Variants in LUZP2 observed in about 807,000 individuals in gnomAD.
LUZP2 encodes the protein leucine zipper protein 2.
Under a neutral mutation model 51.6 loss-of-function variants are expected in LUZP2, and 52 were observed. That is an observed-to-expected ratio of 1.01 (90% CI 0.81 to 1.27). The LOEUF (loss-of-function observed/expected upper bound fraction) is 1.27. Ranked by LOEUF, LUZP2 falls within the 50% of genes most tolerant of loss-of-function variation. The pLI is 0.00. For missense variants in LUZP2, 436 were observed against 395.4 expected (o/e 1.10, Z -0.87); for synonymous variants, 154 against 137.3 (o/e 1.12, Z -0.85).
intron 1 of LUZP2, among the ~76,000 whole-genome samples, chr11:24,594,852 C>T (rs1388544414): frequency 1.4e-5 from 2 of 147,054 alleles, no homozygotes; most frequent in East Asian, 2.0e-4. Flanking sequence ...CTCTGCCTCC[C>T]GGGTTCAAGC....
intron 5 of LUZP2, among the ~76,000 whole-genome samples, chr11:24,881,616 A>C (rs144889996): frequency 9.9e-5 from 15 of 152,194 alleles, no homozygotes; most frequent in African/African-American, 2.6e-4. Flanking sequence ...CTGGCTGGGA[A>C]CACAATGTTA....
At chr11:25,006,384 G>A (rs1856835028) in intron 9 of LUZP2, among the ~76,000 whole-genome samples, 1 of 152,138 alleles carries the variant, frequency 6.6e-6, no homozygotes, top group South Asian at 2.1e-4. Flanking sequence ...CATGGCCACA[G>A]GATCAACCAA....
At chr11:24,652,631 A>G (rs780780232) in intron 1 of LUZP2, among the ~76,000 whole-genome samples, 9 of 152,164 alleles carry the variant, frequency 5.9e-5, no homozygotes, top group Non-Finnish European at 8.8e-5. Flanking sequence ...AGTATTCTAG[A>G]TGAAGGTCAA....
intron 5 of LUZP2, among the ~76,000 whole-genome samples, chr11:24,867,259 G>GC (rs1289631971): frequency 1.3e-5 from 2 of 152,010 alleles, no homozygotes; most frequent in Non-Finnish European, 2.9e-5. Flanking sequence ...TAGGTTTGTA[G>GC]CCCCCCAGGG....
At chr11:24,656,248 A>T (rs555091268) in intron 1 of LUZP2, among the ~76,000 whole-genome samples, 2 of 152,286 alleles carry the variant, frequency 1.3e-5, no homozygotes, top group African/African-American at 4.8e-5. Flanking sequence ...ATGTCAAAAC[A>T]AGTATCTCCA....
intron 5 of LUZP2, among the ~76,000 whole-genome samples, chr11:24,843,359 T>C (rs1851094051): frequency 6.6e-6 from 1 of 152,150 alleles, no homozygotes; most frequent in African/African-American, 2.4e-5. Flanking sequence ...TTGGGTGATT[T>C]TTTGGTGCAA....
intron 9 of LUZP2, among the ~76,000 whole-genome samples, chr11:25,011,378 C>T (rs748541024): frequency 2.0e-5 from 3 of 152,048 alleles, no homozygotes; most frequent in Non-Finnish European, 4.4e-5. Flanking sequence ...GACACAAGAA[C>T]ATTTTTATGC....
chr11:24,722,925 AAGAG>A (rs1366897925), intron 1 of LUZP2, among the ~76,000 whole-genome samples: 3 of 151,688 alleles, frequency 2.0e-5, no homozygotes, highest in African/African-American at 4.8e-5. Context: ...TTAAAAAAAA[AAGAG>A]AGAGAGAGAG....
chr11:24,757,311 T>A (rs1207037592), intron 4 of LUZP2, among the ~76,000 whole-genome samples: 2 of 152,214 alleles, frequency 1.3e-5, no homozygotes, highest in Non-Finnish European at 2.9e-5. Flanking sequence ...GTAGCACATA[T>A]GTTATTAAAC....
chr11:24,801,365 G>C (rs2134116358), intron 5 of LUZP2, among the ~76,000 whole-genome samples: 1 of 151,946 alleles, frequency 6.6e-6, no homozygotes, highest in South Asian at 2.1e-4. Flanking sequence ...GTTTTCCAGT[G>C]GTCACATGTT....
intron 1 of LUZP2, among the ~76,000 whole-genome samples, chr11:24,516,075 G>T (rs1850453053): frequency 6.6e-6 from 1 of 151,930 alleles, no homozygotes; most frequent in African/African-American, 2.4e-5. Context: ...ATGTGATTTT[G>T]GATGGGCTGT....
At chr11:24,816,883 G>A (rs1850199656) in intron 5 of LUZP2, among the ~76,000 whole-genome samples, 1 of 151,796 alleles carries the variant, frequency 6.6e-6, no homozygotes, top group Non-Finnish European at 1.5e-5. Context: ...ACTTTTTTTA[G>A]TATTTGATAT....
chr11:24,763,184 A>C (rs1255561528), intron 4 of LUZP2, 62 bp from the exon 5 acceptor site: 1 of 754,228 alleles, frequency 1.3e-6, no homozygotes, highest in Non-Finnish European at 2.0e-6. Flanking sequence ...TAATGAAAAA[A>C]ATAATGAAAG....
At chr11:24,780,008 A>G (rs1849042794) in intron 5 of LUZP2, among the ~76,000 whole-genome samples, 1 of 151,920 alleles carries the variant, frequency 6.6e-6, no homozygotes, top group African/African-American at 2.4e-5. Flanking sequence ...AGGGAGCTCA[A>G]CACAGCTTGC....
At position 25,082,321 on chromosome 11, in the gene LUZP2, G is replaced by A. The variant is rs865826121; in HGVS notation, c.*3663G>A. 1.3e-5 allele frequency: 2 copies of A among 152,526 alleles called. No homozygotes were observed. The highest frequency in any genetic ancestry group is 2.9e-5 in the Non-Finnish European group (2 of 68,000). 9.4% of individuals were successfully genotyped at this position (152,526 alleles called of 1,614,324 possible). A position where few individuals can be genotyped will look rare whatever the true frequency, so the allele number is the denominator to read the frequency against. On this transcript the variant is annotated 3_prime_UTR_variant, in exon 12 of 12. Coordinates refer to ENST00000336930, the MANE Select transcript of LUZP2 (RefSeq NM_001009909.4). ...ACAATGTGGATAACTGAACTAAAAC[G>A]ATATTTGTGAACTTTGCTATAATGA...
At chr11:24,781,940 A>G (rs1849108130) in intron 5 of LUZP2, among the ~76,000 whole-genome samples, 1 of 152,048 alleles carries the variant, frequency 6.6e-6, no homozygotes, top group African/African-American at 2.4e-5. Flanking sequence ...ACAAGTTCCC[A>G]AGTGATGCCA....
At chr11:24,923,755 C>A (rs758960288) in intron 7 of LUZP2, among the ~76,000 whole-genome samples, 10 of 151,976 alleles carry the variant, frequency 6.6e-5, no homozygotes, top group Non-Finnish European at 1.5e-4. Flanking sequence ...TCCTTGTGGG[C>A]CCCAAGGTCT....
At chr11:24,662,597 A>G (rs916291227) in intron 1 of LUZP2, among the ~76,000 whole-genome samples, 9 of 152,154 alleles carry the variant, frequency 5.9e-5, no homozygotes, top group African/African-American at 2.2e-4. Flanking sequence ...ATATTCCAAA[A>G]ATAATGTTTT....
intron 4 of LUZP2, among the ~76,000 whole-genome samples, chr11:24,742,057 T>TTATATATATA (rs1554983398): frequency 1.7e-5 from 2 of 116,328 alleles, no homozygotes; most frequent in African/African-American, 4.2e-5. Flanking sequence ...ATAAATATAA[T>TTATATATATA]TATATATATA....
Sources: allele counts gnomAD v4.1 joint callset (sites outside exome capture counted in the v4.1 genomes callset), GRCh38; gene constraint gnomAD v4.1.1; transcripts MANE v1.5; gene names NCBI Gene and HGNC (gene_info 2026-07-23, HGNC 2026-07-21).